Variants in FAM124A observed in about 807,000 individuals in gnomAD.
The protein encoded by FAM124A is protein FAM124A.
FAM124A carries 23 observed loss-of-function variants against 24.5 expected under a neutral mutation model. The ratio of observed to expected loss-of-function variants is 0.94; its 90% CI spans 0.68 to 1.33. FAM124A has a LOEUF of 1.33. FAM124A is among the 40% of genes most tolerant of loss of function. The pLI is 0.00. For missense variants in FAM124A, 623 were observed against 722.8 expected (o/e 0.86, Z 1.58); for synonymous variants, 287 against 314.7 (o/e 0.91, Z 0.93).
chr13:51,225,976 C>T (rs12874956), intron 1 of FAM124A, among the ~76,000 whole-genome samples: 10 of 67,572 alleles, frequency 1.5e-4, no homozygotes, highest in East Asian at 6.2e-4. Context: ...TGCTTGCTTT[C>T]TTTTTTTTTT....
chr13:51,240,317 C>T (rs1954477805), intron 2 of FAM124A, among the ~76,000 whole-genome samples: 1 of 152,256 alleles, frequency 6.6e-6, no homozygotes, highest in African/African-American at 2.4e-5. Flanking sequence ...GAATGTTCCA[C>T]ATGCTCTCAC....
chr13:51,275,160 G>A (rs543859275), intron 3 of FAM124A, among the ~76,000 whole-genome samples: 1 of 150,714 alleles, frequency 6.6e-6, no homozygotes, highest in Non-Finnish European at 1.5e-5. Context: ...ATCACCTGAG[G>A]CCAGGAATTC....
chr13:51,231,691 C>G (rs986281545), intron 2 of FAM124A, among the ~76,000 whole-genome samples: 1 of 152,160 alleles, frequency 6.6e-6, no homozygotes, highest in Non-Finnish European at 1.5e-5. Context: ...TACCTGCTAC[C>G]CTCAGGCAAA....
chr13:51,248,904 T>G (rs776960393), intron 2 of FAM124A, among the ~76,000 whole-genome samples: 14 of 152,182 alleles, frequency 9.2e-5, no homozygotes, highest in Non-Finnish European at 2.1e-4. Flanking sequence ...GTCTGGACTC[T>G]TCACTAGTCT....
chr13:51,247,776 A>G (rs928015438), intron 2 of FAM124A, among the ~76,000 whole-genome samples: 3 of 152,230 alleles, frequency 2.0e-5, no homozygotes, highest in Non-Finnish European at 2.9e-5. Context: ...GAGAAAAGTG[A>G]AATCCATTTA....
chr13:51,244,498 G>A (rs1954534893), intron 2 of FAM124A, among the ~76,000 whole-genome samples: 1 of 152,162 alleles, frequency 6.6e-6, no homozygotes, highest in Non-Finnish European at 1.5e-5. Flanking sequence ...ATTAATCGTT[G>A]CCCAAAAATT....
intron 3 of FAM124A, among the ~76,000 whole-genome samples, chr13:51,277,898 C>T (rs901851384): frequency 1.3e-5 from 2 of 152,192 alleles, no homozygotes; most frequent in African/African-American, 4.8e-5. Flanking sequence ...CAGACCCCTT[C>T]GCTTCCCCAG....
In FAM124A at chr13:51,258,865, G is replaced by A. The variant is rs572076672; in HGVS notation, c.834+6664G>A. On this transcript the variant is annotated intron_variant, in intron 3 of 3. Transcript: ENST00000322475. This position sits in a 1 kb window ranked among gnomAD's most constrained non-coding sequence, Gnocchi z 4.2. ...TGGATGGGTTCACGTGGCCGGGGTA[G>A]GAAGATGCCACGAGAGGCTGCTCAG... 6.6e-6 allele frequency among the ~76,000 whole-genome samples: 1 copy of A among 152,348 alleles called. No individual in the cohort carries two copies. Among genetic ancestry groups the A allele is most frequent in the East Asian group, 1.9e-4 (1 of 5,184 alleles).
intron 3 of FAM124A, among the ~76,000 whole-genome samples, chr13:51,255,343 G>A (rs555681503): frequency 1.3e-4 from 20 of 152,162 alleles, no homozygotes; most frequent in African/African-American, 4.1e-4. Context: ...AGTTAATGTC[G>A]CCATTAAAAT....
intron 2 of FAM124A, among the ~76,000 whole-genome samples, chr13:51,248,762 G>T (rs747346280): frequency 6.6e-6 from 1 of 152,204 alleles, no homozygotes; most frequent in Admixed American, 6.5e-5. Flanking sequence ...AAATCAAAGG[G>T]TGGGGAAATA....
chr13:51,231,945 T>C (rs544062956), intron 2 of FAM124A, among the ~76,000 whole-genome samples: 8 of 152,352 alleles, frequency 5.3e-5, no homozygotes, highest in Middle Eastern at 3.4e-3. Flanking sequence ...CCAATACATA[T>C]GTACCAATAC....
At chr13:51,261,192 G>T (rs1954733145) in intron 3 of FAM124A, among the ~76,000 whole-genome samples, 1 of 152,076 alleles carries the variant, frequency 6.6e-6, no homozygotes, top group Non-Finnish European at 1.5e-5. Flanking sequence ...CCTGGGCAGG[G>T]GTGCAGTGAC....
Position 51,251,875 on chromosome 13 carries a change from GA to G in FAM124A, c.511del (p.Ile171SerfsTer22). The G allele has an allele frequency of 6.2e-7, 1 of 1,613,894 alleles. No individual in the cohort carries two copies. On this transcript the variant is annotated frameshift_variant, in exon 3 of 4. Transcript: ENST00000322475. LOFTEE classifies it high-confidence loss of function. This position sits in a 1 kb window ranked among gnomAD's most constrained non-coding sequence, Gnocchi z 5.3. ...CATCCGGCCCGTGCACTACGGCAAGGAAATCGTGCGCTTCACCGTCTACTGT... is the reference window on the plus strand; with the variant it reads ...CATCCGGCCCGTGCACTACGGCAAGGAATCGTGCGCTTCACCGTCTACTGT... ...WAIRPVHYGK[E>X]IVRFTVYCRY...
intron 3 of FAM124A, among the ~76,000 whole-genome samples, chr13:51,274,011 G>A (rs773139879): frequency 6.6e-6 from 1 of 152,210 alleles, no homozygotes; most frequent in Non-Finnish European, 1.5e-5. Context: ...GCTTGCACCT[G>A]GGCATGATAT....
intron 3 of FAM124A, among the ~76,000 whole-genome samples, chr13:51,265,383 G>A (rs568803486): frequency 6.6e-6 from 1 of 151,692 alleles, no homozygotes; most frequent in African/African-American, 2.4e-5. Context: ...GAGATCTAGT[G>A]AGAGCTGAGC....
At chr13:51,229,740 G>A (rs1397008695) in intron 1 of FAM124A, among the ~76,000 whole-genome samples, 1 of 152,158 alleles carries the variant, frequency 6.6e-6, no homozygotes, top group Non-Finnish European at 1.5e-5. Flanking sequence ...CTACCACAGT[G>A]GATATTTGCT....
intron 3 of FAM124A, among the ~76,000 whole-genome samples, chr13:51,271,843 G>A (rs1000894583): frequency 2.0e-5 from 3 of 152,140 alleles, no homozygotes; most frequent in African/African-American, 7.2e-5. Flanking sequence ...ATGCCCAGCT[G>A]CAGTCTGGGC....
chr13:51,272,541 A>G lies in FAM124A; in HGVS notation c.835-7909A>G, dbSNP rs941526151. 2.7e-5 allele frequency among the ~76,000 whole-genome samples: 4 copies of G among 148,714 alleles called. No individual in the cohort carries two copies. The highest frequency in any genetic ancestry group is 1.0e-4 in the African/African-American group (4 of 40,030). ...GACCACAGGCCAAATCTGGCCTGCC[A>G]CCTATTTTTGTAAATAAAGCCTTAT... is the stretch of plus-strand genomic sequence containing the variant. On this transcript the variant is annotated intron_variant, in intron 3 of 3. Coordinates refer to ENST00000322475, the MANE Select transcript of FAM124A (RefSeq NM_001242312.2). This position sits in a 1 kb window ranked among gnomAD's most constrained non-coding sequence, Gnocchi z 4.2.
chr13:51,256,431 A>T (rs2137685445), intron 3 of FAM124A, among the ~76,000 whole-genome samples: 1 of 152,336 alleles, frequency 6.6e-6, no homozygotes, highest in South Asian at 2.1e-4. Flanking sequence ...GGAAAACCTG[A>T]CATAGAGAAT....
Sources: allele counts gnomAD v4.1 joint callset (sites outside exome capture counted in the v4.1 genomes callset), GRCh38; gene constraint gnomAD v4.1.1; non-coding constraint Gnocchi (gnomAD v3.1); transcripts MANE v1.5; gene names NCBI Gene and HGNC (gene_info 2026-07-23, HGNC 2026-07-21).